ELAPOR2: variants seen among roughly 807,000 people sequenced by gnomAD.
The protein encoded by ELAPOR2 is endosome/lysosome-associated apoptosis and autophagy regulator family member 2.
ELAPOR2 carries 89 observed loss-of-function variants against 120.7 expected under a neutral mutation model. The ratio of observed to expected loss-of-function variants is 0.74; its 90% CI spans 0.62 to 0.88. The LOEUF (loss-of-function observed/expected upper bound fraction) is 0.88, where lower values mean the gene tolerates loss of function less well. ELAPOR2 is among the 40% of genes least tolerant of loss of function. ELAPOR2 has a pLI of 0.00. For synonymous variants in ELAPOR2, 444 were observed against 444.9 expected (o/e 1.00, Z 0.03); for missense variants, 1,134 against 1,251.6 (o/e 0.91, Z 1.42).
At chr7:86,981,974 A>G (rs566057359) in intron 1 of ELAPOR2, among the ~76,000 whole-genome samples, 15 of 152,334 alleles carry the variant, frequency 9.8e-5, no homozygotes, top group African/African-American at 2.4e-4. Flanking sequence ...CGCTTTCCCA[A>G]TGGTCTTAGC....
In ELAPOR2 at chr7:87,038,297, G is replaced by A. The variant is rs112228609; in HGVS notation, c.189+21028C>T. 8.3e-3 allele frequency among the ~76,000 whole-genome samples: 1,257 copies of A among 152,198 alleles called. 19 individuals carry two copies. Among genetic ancestry groups the A allele is most frequent in the African/African-American group, 0.029 (1,197 of 41,522 alleles). The stretch of plus-strand genomic sequence containing the variant: ...TATTACAGTTTGATATGTTAAGGGA[G>A]GTAATTCCATATACCTTTTTAGGGA... On this transcript the variant is annotated intron_variant, in intron 1 of 21. Coordinates refer to ENST00000450689, the MANE Select transcript of ELAPOR2 (RefSeq NM_001142749.3).
At chr7:86,904,908 C>T (rs1258992690) in intron 18 of ELAPOR2, among the ~76,000 whole-genome samples, 1 of 152,078 alleles carries the variant, frequency 6.6e-6, no homozygotes, top group Non-Finnish European at 1.5e-5. Context: ...ATTCCTTCTG[C>T]ACTACCAAAG....
At chr7:87,018,725 T>C (rs1471983779) in intron 1 of ELAPOR2, among the ~76,000 whole-genome samples, 1 of 152,164 alleles carries the variant, frequency 6.6e-6, no homozygotes, top group Non-Finnish European at 1.5e-5. Context: ...TGGAAATGGG[T>C]TCCCTGAATA....
intron 1 of ELAPOR2, among the ~76,000 whole-genome samples, chr7:86,999,647 A>G (rs2116626307): frequency 6.6e-6 from 1 of 152,082 alleles, no homozygotes; most frequent in South Asian, 2.1e-4. Context: ...AAGTGGATAA[A>G]CCCTCTTTAG....
intron 1 of ELAPOR2, among the ~76,000 whole-genome samples, chr7:86,972,960 T>C (rs556445010): frequency 6.6e-6 from 1 of 152,270 alleles, no homozygotes; most frequent in African/African-American, 2.4e-5. Flanking sequence ...CTTTCCAAAA[T>C]AATTTTCATG....
At chr7:86,893,183 T>C (rs1788263833) in intron 19 of ELAPOR2, 83 bp from the exon 20 acceptor site, 1 of 1,080,120 alleles carries the variant, frequency 9.3e-7, no homozygotes, top group Admixed American at 2.8e-5. Flanking sequence ...TTGTCACTGG[T>C]CAATTTCTTA....
intron 18 of ELAPOR2, among the ~76,000 whole-genome samples, chr7:86,900,102 C>T (rs1246252577): frequency 6.6e-6 from 1 of 151,920 alleles, no homozygotes. Context: ...TCAAATCTTC[C>T]TCCCCAAATT....
intron 8 of ELAPOR2, among the ~76,000 whole-genome samples, chr7:86,929,530 G>A (rs1790229844): frequency 6.6e-6 from 1 of 151,902 alleles, no homozygotes; most frequent in African/African-American, 2.4e-5. Context: ...ACACCATGCT[G>A]CCAACTTGTA....
At chr7:87,002,381 G>C (rs1408171197) in intron 1 of ELAPOR2, among the ~76,000 whole-genome samples, 1 of 152,158 alleles carries the variant, frequency 6.6e-6, no homozygotes, top group Non-Finnish European at 1.5e-5. Context: ...TTCTGCAGCA[G>C]CAGTCTCCTT....
At chr7:86,964,261 C>A (rs773219105) in intron 2 of ELAPOR2, among the ~76,000 whole-genome samples, 2 of 150,252 alleles carry the variant, frequency 1.3e-5, no homozygotes, top group Admixed American at 1.3e-4. Flanking sequence ...ACTAAATTAA[C>A]GATTTTAAAA....
At chr7:86,907,003 T>G (rs1789052024) in intron 18 of ELAPOR2, among the ~76,000 whole-genome samples, 1 of 152,222 alleles carries the variant, frequency 6.6e-6, no homozygotes, top group Non-Finnish European at 1.5e-5. Context: ...GCAGTCTGTA[T>G]TTAAGTTGAC....
In ELAPOR2 at chr7:86,878,891, ACATT is replaced by A. The variant is rs1257023964; in HGVS notation, c.*1576_*1579del. The A allele has an allele frequency of 6.6e-6, 1 of 152,184 alleles. No individual in the cohort carries two copies. The highest frequency in any genetic ancestry group is 1.5e-5 in the Non-Finnish European group (1 of 68,012). 9.4% of individuals were successfully genotyped at this position (152,184 alleles called of 1,614,324 possible). A position where few individuals can be genotyped will look rare whatever the true frequency, so the allele number is the denominator to read the frequency against. On this transcript the variant is annotated 3_prime_UTR_variant, in exon 22 of 22. Transcript: ENST00000450689. ...GTGCAACAGCAGAGATATACACAAA[ACATT>A]CATTCAATAATAACAGAATGGTCTA...
chr7:87,022,902 C>A (rs1219582419), intron 1 of ELAPOR2, among the ~76,000 whole-genome samples: 1 of 151,908 alleles, frequency 6.6e-6, no homozygotes, highest in African/African-American at 2.4e-5. Context: ...TGTTCATATC[C>A]TTTGCCCACT....
chr7:86,887,481 C>G (rs1430083372), intron 21 of ELAPOR2, among the ~76,000 whole-genome samples: 3 of 152,068 alleles, frequency 2.0e-5, no homozygotes, highest in Admixed American at 6.6e-5. Flanking sequence ...TACAACTGTT[C>G]AGGGTATGGT....
chr7:87,056,196 G>C (rs989538672), intron 1 of ELAPOR2, among the ~76,000 whole-genome samples: 1 of 152,054 alleles, frequency 6.6e-6, no homozygotes, highest in African/African-American at 2.4e-5. Context: ...AAAATATCAG[G>C]ATCTAGCTCT....
At chr7:86,998,793 C>T (rs545977709) in intron 1 of ELAPOR2, among the ~76,000 whole-genome samples, 42 of 151,280 alleles carry the variant, frequency 2.8e-4, no homozygotes, top group Non-Finnish European at 4.7e-4. Context: ...TTTCATAAAC[C>T]AAATTTTTAA....
chr7:86,986,867 C>A (rs1024549581), intron 1 of ELAPOR2, among the ~76,000 whole-genome samples: 1 of 149,686 alleles, frequency 6.7e-6, no homozygotes, highest in Non-Finnish European at 1.5e-5. Context: ...CATATGGAAC[C>A]AAAAAAGAGC....
chr7:86,927,736 G>A (rs985555986), intron 8 of ELAPOR2, among the ~76,000 whole-genome samples: 10 of 152,050 alleles, frequency 6.6e-5, no homozygotes, highest in African/African-American at 2.4e-4. Context: ...AACAAAATTG[G>A]TATGTTCAGT....
chr7:86,986,735 T>C (rs1386530138), intron 1 of ELAPOR2, among the ~76,000 whole-genome samples: 1 of 151,714 alleles, frequency 6.6e-6, no homozygotes. Flanking sequence ...TGCTCATGGA[T>C]AGGAAGAATC....
Sources: allele counts gnomAD v4.1 joint callset (sites outside exome capture counted in the v4.1 genomes callset), GRCh38; gene constraint gnomAD v4.1.1; transcripts MANE v1.5; gene names NCBI Gene and HGNC (gene_info 2026-07-23, HGNC 2026-07-21).